Variants in LRIT3 observed in about 807,000 individuals in gnomAD.
LRIT3 encodes leucine-rich repeat, immunoglobulin-like domain and transmembrane domain-containing protein 3.
LRIT3 carries 14 observed loss-of-function variants against 22.6 expected under a neutral mutation model. The ratio of observed to expected loss-of-function variants is 0.62; its 90% CI spans 0.41 to 0.97. The LOEUF (loss-of-function observed/expected upper bound fraction) is 0.97. Among genes scored for constraint, LRIT3 ranks in the 50% least tolerant of loss-of-function variants. LRIT3 has a pLI of 0.00. For missense variants in LRIT3, 783 were observed against 803.0 expected, an observed-to-expected ratio of 0.98 and a Z score of 0.30; for synonymous variants, 306 against 304.5, an observed-to-expected ratio of 1.01 and a Z score of -0.05.
chr4:109,870,093 G>GAAAAGAAATTTAAAGGTGGC lies in LRIT3; in HGVS notation c.1348_1367dup (p.Asn457GlufsTer3). On this transcript the variant is annotated frameshift_variant, in exon 4 of 4. Transcript: ENST00000594814. LOFTEE classifies it low-confidence loss of function (END_TRUNC). ...GATCATTCCAGCTCCACCAAGGTGG[G>GAAAAGAAATTTAAAGGTGGC]AAAAGAAATTTAAAGGTGGCAAAGA... The GAAAAGAAATTTAAAGGTGGC allele has an allele frequency of 6.2e-7, 1 of 1,614,132 alleles. No homozygotes were observed. The highest frequency in any genetic ancestry group is 8.5e-7 in the Non-Finnish European group (1 of 1,180,012).
chr4:109,864,057 G>T (rs936461058), intron 2 of LRIT3, among the ~76,000 whole-genome samples: 1 of 152,130 alleles, frequency 6.6e-6, no homozygotes, highest in Non-Finnish European at 1.5e-5. Flanking sequence ...AATTTGATGT[G>T]CTGGCAGATT....
At position 109,870,515 on chromosome 4, in the gene LRIT3, G is replaced by T. The variant is rs145811917; in HGVS notation, c.1766G>T (p.Ser589Ile). Reference protein sequence around the residue: ...SQWSLLLVVTSTACVVILPLI... With the variant: ...SQWSLLLVVTITACVVILPLI... Reference sequence around the variant, plus strand: ...TGGTCTCTCCTTCTCGTGGTGACCAGTACTGCCTGTGTTGTTATCTTACCA... The same window carrying T: ...TGGTCTCTCCTTCTCGTGGTGACCATTACTGCCTGTGTTGTTATCTTACCA... Residue 589 changes from serine (S) to isoleucine (I), a missense_variant, in exon 4 of 4, where the codon AGT (serine) becomes ATT (isoleucine). Ser to Ile is a moderately radical substitution (Grantham distance 142). Coordinates refer to ENST00000594814, the MANE Select transcript of LRIT3 (RefSeq NM_198506.5). 1.2e-6 allele frequency: 2 copies of T among 1,614,114 alleles called. No individual in the cohort carries two copies. The highest frequency in any genetic ancestry group is 8.5e-7 in the Non-Finnish European group (1 of 1,180,044).
chr4:109,858,047 G>A (rs1734445138), intron 2 of LRIT3, among the ~76,000 whole-genome samples: 2 of 152,128 alleles, frequency 1.3e-5, no homozygotes, highest in African/African-American at 4.8e-5. Flanking sequence ...CACAAAGGTG[G>A]ATACCTAAAA....
At chr4:109,860,817 C>T (rs938492398) in intron 2 of LRIT3, among the ~76,000 whole-genome samples, 6 of 152,206 alleles carry the variant, frequency 3.9e-5, no homozygotes, top group African/African-American at 1.4e-4. Context: ...TGCCAGGCTT[C>T]TTTCACTCAG....
chr4:109,857,452 G>A (rs1396325119), intron 2 of LRIT3, among the ~76,000 whole-genome samples: 5 of 152,148 alleles, frequency 3.3e-5, no homozygotes, highest in African/African-American at 9.7e-5. Context: ...TTTTCAAGGT[G>A]ACAAGGTGGA....
chr4:109,851,785 C>T lies in LRIT3; in HGVS notation c.398C>T (p.Thr133Ile), dbSNP rs754526554. 1 of 1,551,804 alleles carries T rather than the reference C, an allele frequency of 6.4e-7. No individual in the cohort carries two copies. Among genetic ancestry groups the T allele is most frequent in the South Asian group, 1.2e-5 (1 of 84,064 alleles). Residue 133 changes from threonine to isoleucine, a missense_variant, in exon 2 of 4, where the codon ACC becomes ATC. Transcript: ENST00000594814. ...ASLLDMPLLR[T>I]LDLHNNKITS... ...CTGCTGGACATGCCCCTTCTGAGGA[C>T]CCTGGACTTGCACAATAACAAAATA...
intron 2 of LRIT3, among the ~76,000 whole-genome samples, chr4:109,864,135 G>A (rs1734621391): frequency 6.6e-6 from 1 of 151,984 alleles, no homozygotes; most frequent in African/African-American, 2.4e-5. Context: ...TATAAATTTT[G>A]ACACAAATTT....
chr4:109,862,357 G>A (rs182997630), intron 2 of LRIT3, among the ~76,000 whole-genome samples: 1 of 152,290 alleles, frequency 6.6e-6, no homozygotes, highest in Admixed American at 6.5e-5. Flanking sequence ...GCAAGTAACA[G>A]TTTAACTTGA....
At chr4:109,848,773 AG>A (rs552682558) in intron 1 of LRIT3, among the ~76,000 whole-genome samples, 90 of 152,342 alleles carry the variant, frequency 5.9e-4, no homozygotes, top group African/African-American at 2.1e-3. Context: ...AAAGATCTCA[AG>A]AGTGAAGTTA....
In LRIT3 at chr4:109,858,875, A is replaced by G. The variant is rs1045913645; in HGVS notation, c.589+6899A>G. ...GCCACTGATCAAGAAAATTTTTAAAAGCTTTACTGCAATAGGCTGGACCAT... is the reference window on the plus strand; with the variant it reads ...GCCACTGATCAAGAAAATTTTTAAAGGCTTTACTGCAATAGGCTGGACCAT... On this transcript the variant is annotated intron_variant, in intron 2 of 3. Transcript: ENST00000594814. 2.6e-5 allele frequency among the ~76,000 whole-genome samples: 4 copies of G among 152,206 alleles called. No homozygotes were observed. The East Asian group carries it at 5.8e-4, about 22-fold the overall frequency.
At position 109,868,642 on chromosome 4, in the gene LRIT3, CTTA is replaced by C. The variant is rs372696967; in HGVS notation, c.895+701_895+703del. On this transcript the variant is annotated intron_variant, in intron 3 of 3. Coordinates refer to ENST00000594814, the MANE Select transcript of LRIT3 (RefSeq NM_198506.5). ...TTTAAATAATAAATTACATGGACAC[CTTA>C]TTATGAATCAAAAAGTATAATTTTT... is the stretch of plus-strand genomic sequence containing the variant. Among the ~76,000 whole-genome samples, 40 of 151,076 alleles carry C rather than the reference CTTA, an allele frequency of 2.6e-4. 2 individuals are homozygous for C. The South Asian group carries it at 8.0e-3, about 30-fold the overall frequency.
At chr4:109,867,394 T>G (rs1734707361) in intron 2 of LRIT3, among the ~76,000 whole-genome samples, 1 of 152,160 alleles carries the variant, frequency 6.6e-6, no homozygotes, top group Admixed American at 6.5e-5. Context: ...TAGTACATAA[T>G]CTAGCACAGA....
intron 2 of LRIT3, among the ~76,000 whole-genome samples, chr4:109,859,078 A>T (rs1382592608): frequency 1.3e-5 from 2 of 152,204 alleles, no homozygotes; most frequent in African/African-American, 4.8e-5. Flanking sequence ...ATATTGCGGG[A>T]TCTGGCCAGC....
Position 109,867,872 on chromosome 4 carries a change from G to T in LRIT3, c.821G>T (p.Arg274Leu). 1 of 1,614,030 alleles carries T rather than the reference G, an allele frequency of 6.2e-7. No homozygotes were observed. The highest frequency in any genetic ancestry group is 1.3e-5 in the African/African-American group (1 of 75,032). Residue 274 changes from arginine (R) to leucine (L), a missense_variant, in exon 3 of 4, where the codon CGG becomes CTG. By Grantham distance (102) the Arg-to-Leu change is moderately radical. This residue lies in a region of LRIT3 where 756 missense variants were observed against 753.8 expected (regional missense o/e 1.00). Transcript: ENST00000594814. ...GCTCTGGGCAGTAATGTTCTACTGC[G>T]GTGTGATGCCACTGGCTTCCCCACC... Reference protein sequence around the residue: ...MSALGSNVLLRCDATGFPTPQ... With the variant: ...MSALGSNVLLLCDATGFPTPQ...
rs759885114 is a variant in LRIT3, at chr4:109,869,811, A to T, written c.1062A>T (p.Pro354=). 1 of 1,613,952 alleles carries T rather than the reference A, an allele frequency of 6.2e-7. No homozygotes were observed. The highest frequency in any genetic ancestry group is 1.3e-5 in the African/African-American group (1 of 75,040). ...TVLGITTTPI[P]PDTSERTGDH... ...TTGGCATTACCACAACTCCAATACC[A>T]CCAGACACTTCTGAAAGAACTGGAG... is the stretch of plus-strand genomic sequence containing the variant. Residue 354 remains proline, a synonymous_variant, in exon 4 of 4, where the codon CCA becomes CCT. Transcript: ENST00000594814.
intron 2 of LRIT3, among the ~76,000 whole-genome samples, chr4:109,854,395 T>C (rs965111200): frequency 2.0e-5 from 3 of 152,232 alleles, no homozygotes; most frequent in African/African-American, 7.2e-5. Context: ...TTGTCTATTA[T>C]TGGTGTATAG....
intron 2 of LRIT3, among the ~76,000 whole-genome samples, chr4:109,857,688 T>A (rs1734436556): frequency 6.6e-6 from 1 of 152,314 alleles, no homozygotes; most frequent in Admixed American, 6.5e-5. Context: ...AGAGAAAATG[T>A]TGACAATCTC....
chr4:109,854,719 G>C (rs1427005446), intron 2 of LRIT3, among the ~76,000 whole-genome samples: 3 of 152,146 alleles, frequency 2.0e-5, no homozygotes, highest in African/African-American at 7.2e-5. Flanking sequence ...GTCGTAAATA[G>C]CTCATATTAT....
rs186490645 is a variant in LRIT3 at position 109,865,836 on chromosome 4, G to C, written c.590-1805G>C. Among the ~76,000 whole-genome samples, 537 of 152,246 alleles carry C rather than the reference G, an allele frequency of 3.5e-3. 9 individuals are homozygous for C. The highest frequency in any genetic ancestry group is 3.1e-3 in the Non-Finnish European group (212 of 68,014). On this transcript the variant is annotated intron_variant, in intron 2 of 3. Coordinates refer to ENST00000594814, the MANE Select transcript of LRIT3 (RefSeq NM_198506.5). ...TGGGGGTGAAGCTTGACAGAACCAA[G>C]ATTTCAGCCCAGACGTTAGGTTCCA...
Sources: gnomAD v4.1 joint callset for allele counts (sites outside exome capture counted in the v4.1 genomes callset) on GRCh38, gnomAD v4.1.1 for gene constraint, gnomAD v4.1.1 regional missense constraint, MANE v1.5 for transcripts, NCBI Gene and HGNC (gene_info 2026-07-23, HGNC 2026-07-21) for gene names.